SLC16A12: variants seen among roughly 807,000 people sequenced by gnomAD.
The protein encoded by SLC16A12 is solute carrier family 16 member 12, also known as monocarboxylate transporter 12.
In SLC16A12, 17 loss-of-function variants were observed where a neutral mutation model predicts 42.4. That is an observed-to-expected ratio of 0.40 (90% confidence interval 0.27 to 0.60). The LOEUF is 0.60. SLC16A12 is among the 20% of genes least tolerant of loss of function. The probability of loss-of-function intolerance (pLI) is 0.42; values close to 1 mark genes in which losing one functional copy is unlikely to be tolerated. For synonymous variants in SLC16A12, 224 were observed against 229.4 expected, an observed-to-expected ratio of 0.98 and a Z score of 0.21; for missense variants, 544 against 623.0, an observed-to-expected ratio of 0.87 and a Z score of 1.35.
chr10:89,512,522 C>A (rs1843179582), intron 2 of SLC16A12, among the ~76,000 whole-genome samples: 1 of 152,140 alleles, frequency 6.6e-6, no homozygotes. Flanking sequence ...TTGACTTAAC[C>A]ACCAATGGTT....
At chr10:89,548,266 A>G (rs1843752397) in intron 2 of SLC16A12, among the ~76,000 whole-genome samples, 1 of 152,210 alleles carries the variant, frequency 6.6e-6, no homozygotes, top group Admixed American at 6.5e-5. Context: ...TCCAGCCAGG[A>G]GGATGGTGAT....
intron 2 of SLC16A12, among the ~76,000 whole-genome samples, chr10:89,521,347 A>G (rs1843352047): frequency 6.6e-6 from 1 of 152,224 alleles, no homozygotes; most frequent in South Asian, 2.1e-4. Flanking sequence ...CAGACCTAGT[A>G]CACATATTCT....
intron 2 of SLC16A12, among the ~76,000 whole-genome samples, chr10:89,524,277 C>A (rs757703852): frequency 1.6e-4 from 25 of 152,164 alleles, no homozygotes; most frequent in Non-Finnish European, 2.9e-4. Context: ...AATTTTATCA[C>A]CAAATCCCCA....
intron 4 of SLC16A12, 120 bp from the exon 5 acceptor site, chr10:89,441,371 GC>G: frequency 8.0e-7 from 1 of 1,255,378 alleles, no homozygotes. Flanking sequence ...TATTAATTCT[GC>G]AGCTTTGGAA....
intron 2 of SLC16A12, among the ~76,000 whole-genome samples, chr10:89,519,435 C>T (rs1013129994): frequency 2.6e-5 from 4 of 152,102 alleles, no homozygotes; most frequent in African/African-American, 9.7e-5. Flanking sequence ...TCGTTTTCCA[C>T]GTCAATTTAC....
chr10:89,554,125 A>G (rs1395099595), intron 2 of SLC16A12, among the ~76,000 whole-genome samples: 23 of 149,896 alleles, frequency 1.5e-4, no homozygotes, highest in African/African-American at 5.2e-4. Context: ...GGAAGGAAGG[A>G]AGGAAGGAAG....
chr10:89,481,038 A>C (rs1048494545), intron 2 of SLC16A12, among the ~76,000 whole-genome samples: 3 of 152,118 alleles, frequency 2.0e-5, no homozygotes, highest in Non-Finnish European at 4.4e-5. Context: ...CAATCCCTGA[A>C]CTATTAAAAG....
chr10:89,552,802 C>T (rs1843779467), intron 2 of SLC16A12, among the ~76,000 whole-genome samples: 1 of 152,174 alleles, frequency 6.6e-6, no homozygotes, highest in South Asian at 2.1e-4. Flanking sequence ...GTGACATCCG[C>T]ACTTGGCTTT....
At position 89,439,160 on chromosome 10, in the gene SLC16A12, A is replaced by G. The variant is rs150800688; in HGVS notation, c.472T>C (p.Ser158Pro). The change falls in exon 6 of 8, where the codon TCT (serine) becomes CCT (proline). Residue 158 changes from serine (S) to proline (P), a missense_variant. Physicochemically the swap from Ser to Pro is moderately conservative, Grantham distance 74. Coordinates refer to ENST00000371790, the MANE Select transcript of SLC16A12 (RefSeq NM_213606.4). ...TTGCCAACCATGGCAATAGCTGGAG[A>G]GTAACAAAGTGCAAATCCAAGACCT... Reference protein sequence around the residue: ...LTGLGFALCYSPAIAMVGKYF... With the variant: ...LTGLGFALCYPPAIAMVGKYF... 1,491 of 1,614,168 alleles carry G rather than the reference A, an allele frequency of 9.2e-4. 2 individuals carry two copies. The highest frequency in any genetic ancestry group is 1.1e-3 in the Non-Finnish European group (1,289 of 1,180,026).
intron 2 of SLC16A12, among the ~76,000 whole-genome samples, chr10:89,495,929 T>G (rs1428178694): frequency 6.6e-6 from 1 of 152,196 alleles, no homozygotes; most frequent in Non-Finnish European, 1.5e-5. Context: ...AGCCAAAAAT[T>G]TGTAAGTTGA....
chr10:89,471,553 C>A (rs1163061477), intron 2 of SLC16A12, among the ~76,000 whole-genome samples: 2 of 152,178 alleles, frequency 1.3e-5, no homozygotes, highest in African/African-American at 4.8e-5. Context: ...ATTGTTACAG[C>A]TGTTTCCAGT....
chr10:89,449,388 T>C (rs1589667820), intron 3 of SLC16A12, among the ~76,000 whole-genome samples: 6 of 152,210 alleles, frequency 3.9e-5, no homozygotes, highest in Admixed American at 3.3e-4. Context: ...CAAAGCAGCA[T>C]GGTACTGGTA....
chr10:89,450,163 G>A (rs1842071058), intron 3 of SLC16A12, among the ~76,000 whole-genome samples: 2 of 152,234 alleles, frequency 1.3e-5, no homozygotes, highest in African/African-American at 2.4e-5. Context: ...CTGTTGGTGG[G>A]AGTGTGAACT....
intron 3 of SLC16A12, among the ~76,000 whole-genome samples, chr10:89,459,918 G>A (rs1302235738): frequency 6.6e-6 from 1 of 152,190 alleles, no homozygotes; most frequent in Non-Finnish European, 1.5e-5. Context: ...TTCCGCCTGG[G>A]CAATAAGAGT....
chr10:89,523,272 T>C (rs1843391401), intron 2 of SLC16A12, among the ~76,000 whole-genome samples: 1 of 152,220 alleles, frequency 6.6e-6, no homozygotes, highest in South Asian at 2.1e-4. Context: ...TCTCACGGAT[T>C]AGAATCCTCC....
Position 89,486,427 on chromosome 10 carries a change from G to A in SLC16A12, c.-46-23803C>T, listed in dbSNP as rs7093503. On this transcript the variant is annotated intron_variant, in intron 2 of 7. Transcript: ENST00000371790. Reference sequence around the variant, plus strand: ...TGACATGTTATAGAACCTTCTCTACGAAATATAGAAAAAAATTAGTCAGAC... The same window carrying A: ...TGACATGTTATAGAACCTTCTCTACAAAATATAGAAAAAAATTAGTCAGAC... Among the ~76,000 whole-genome samples the A allele has an allele frequency of 7.4e-3, 1,120 of 151,492 alleles. 11 individuals carry two copies. The highest frequency in any genetic ancestry group is 0.026 in the African/African-American group (1,056 of 41,342).
rs1589718672 is a variant in SLC16A12, at chr10:89,512,966, AGGACACC to A, written c.-47+21528_-47+21534del. Among the ~76,000 whole-genome samples, 4 of 152,328 alleles carry A rather than the reference AGGACACC, an allele frequency of 2.6e-5. No homozygotes were observed. In the East Asian group the frequency reaches 7.7e-4, roughly 29 times the overall value. Reference sequence around the variant, plus strand: ...TAGTTTCAGAACTGAGTTAAATTGCAGGACACCTAGGTGGTATCTGTAGAGAACTGGA... The same window carrying A: ...TAGTTTCAGAACTGAGTTAAATTGCATAGGTGGTATCTGTAGAGAACTGGA... On this transcript the variant is annotated intron_variant, in intron 2 of 7. Coordinates refer to ENST00000371790, the MANE Select transcript of SLC16A12 (RefSeq NM_213606.4).
At chr10:89,540,026 CTTCCT>C (rs1843705630), upstream of SLC16A12, among the ~76,000 whole-genome samples, 1 of 145,050 alleles carries the variant, frequency 6.9e-6, no homozygotes, top group Non-Finnish European at 1.5e-5. Flanking sequence ...TCCTTCCTTC[CTTCCT>C]TTCTTTTCTC....
intron 2 of SLC16A12, among the ~76,000 whole-genome samples, chr10:89,554,111 G>GGAAGGAAGGAAGGAAGGAAAGAAA: frequency 7.3e-6 from 1 of 136,578 alleles, no homozygotes; most frequent in African/African-American, 2.8e-5. Context: ...AAGGAAGGAA[G>GGAAGGAAGGAAGGAAGGAAAGAAA]GAAGGAAGGA....
Sources: gnomAD v4.1 joint callset for allele counts (sites outside exome capture counted in the v4.1 genomes callset) on GRCh38, gnomAD v4.1.1 for gene constraint, MANE v1.5 for transcripts, NCBI Gene and HGNC (gene_info 2026-07-23, HGNC 2026-07-21) for gene names.